The following SLC7A9 variants were observed in gnomAD, a reference collection of about 807,000 sequenced individuals.
The protein encoded by SLC7A9 is solute carrier family 7 member 9.
Under a neutral mutation model 54.1 loss-of-function variants are expected in SLC7A9, and 38 were observed. The observed-to-expected ratio is 0.70, with a 90% CI of 0.54 to 0.92. The LOEUF (loss-of-function observed/expected upper bound fraction) is 0.92, where lower values mean the gene tolerates loss of function less well. Among genes scored for constraint, SLC7A9 ranks in the 40% least tolerant of loss-of-function variants. The pLI is 0.00. For missense variants in SLC7A9, 537 were observed against 636.1 expected, an observed-to-expected ratio of 0.84 and a Z score of 1.68; for synonymous variants, 264 against 258.9, an observed-to-expected ratio of 1.02 and a Z score of -0.19.
At chr19:32,841,822 G>T (rs934168725) in intron 11 of SLC7A9, among the ~76,000 whole-genome samples, 1 of 152,172 alleles carries the variant, frequency 6.6e-6, no homozygotes, top group African/African-American at 2.4e-5. Context: ...CAGGAGAGTT[G>T]CCTGAACCGG....
chr19:32,864,447 G>C, intron 3 of SLC7A9, 109 bp from the exon 4 acceptor site: 3 of 1,552,562 alleles, frequency 1.9e-6, no homozygotes, highest in Non-Finnish European at 2.6e-6. Context: ...GCCCACCGTG[G>C]TCCGCCCTCG....
intron 2 of SLC7A9, among the ~76,000 whole-genome samples, chr19:32,866,683 C>A (rs1405623505): frequency 6.6e-6 from 1 of 152,210 alleles, no homozygotes; most frequent in African/African-American, 2.4e-5. Flanking sequence ...TGAGATCAGG[C>A]CTGAGACTGG....
At chr19:32,848,464 A>T (rs868406820) in intron 9 of SLC7A9, among the ~76,000 whole-genome samples, 1 of 152,230 alleles carries the variant, frequency 6.6e-6, no homozygotes, top group Non-Finnish European at 1.5e-5. Context: ...AAAGGGATCA[A>T]TTCAACAAGA....
intron 2 of SLC7A9, among the ~76,000 whole-genome samples, chr19:32,866,278 G>A (rs1050257836): frequency 2.0e-5 from 3 of 152,120 alleles, no homozygotes; most frequent in African/African-American, 7.2e-5. Context: ...GCGGGGATGG[G>A]CTCAGCTCTC....
chr19:32,868,433 CA>C lies in SLC7A9; in HGVS notation c.87+14del. On this transcript the variant is annotated intron_variant, in intron 2 of 12. Coordinates refer to ENST00000023064, the MANE Select transcript of SLC7A9 (RefSeq NM_014270.5). ...CTAACCTGCAAAGGGCCTGCCCCAC[CA>C]GAGACCGCCTTACCTCCTTTTGGAG... is the stretch of plus-strand genomic sequence containing the variant. 1 of 1,611,754 alleles carries C rather than the reference CA, an allele frequency of 6.2e-7. No individual in the cohort carries two copies. The highest frequency in any genetic ancestry group is 8.5e-7 in the Non-Finnish European group (1 of 1,177,936).
At chr19:32,830,716 G>A in intron 12 of SLC7A9, 32 bp from the exon 13 acceptor site, 1 of 1,578,590 alleles carries the variant, frequency 6.3e-7, no homozygotes, top group South Asian at 1.1e-5. Context: ...AGTACAGTTA[G>A]TTAGACTGAA....
chr19:32,856,673 G>A (rs767063028), intron 9 of SLC7A9, among the ~76,000 whole-genome samples: 25 of 152,076 alleles, frequency 1.6e-4, no homozygotes, highest in Non-Finnish European at 2.6e-4. Flanking sequence ...TGGTGTGATC[G>A]TGGCCCACTG....
chr19:32,866,568 G>A (rs1172564746), intron 2 of SLC7A9, among the ~76,000 whole-genome samples: 3 of 152,196 alleles, frequency 2.0e-5, no homozygotes, highest in Non-Finnish European at 4.4e-5. Flanking sequence ...AAGGTTACAG[G>A]CGTGTGCCGC....
chr19:32,840,375 C>G (rs903109866), intron 11 of SLC7A9, among the ~76,000 whole-genome samples: 2 of 152,128 alleles, frequency 1.3e-5, no homozygotes, highest in African/African-American at 4.8e-5. Flanking sequence ...GTTGCCCAAG[C>G]TGGTCTTGAA....
At chr19:32,842,504 GAAAA>G (rs1968155957) in intron 10 of SLC7A9, among the ~76,000 whole-genome samples, 187 bp from the exon 11 acceptor site, 1 of 152,194 alleles carries the variant, frequency 6.6e-6, no homozygotes, top group Non-Finnish European at 1.5e-5. Context: ...GAAGCTTGCA[GAAAA>G]GACCTGGGAA....
At chr19:32,845,832 A>AC (rs759838357) in intron 9 of SLC7A9, among the ~76,000 whole-genome samples, 5 of 151,946 alleles carry the variant, frequency 3.3e-5, no homozygotes, top group Non-Finnish European at 5.9e-5. Context: ...ACATAGTGAA[A>AC]CCCCCTCTCT....
chr19:32,834,813 CAG>C (rs775724422), intron 11 of SLC7A9, among the ~76,000 whole-genome samples: 10 of 152,044 alleles, frequency 6.6e-5, no homozygotes, highest in Non-Finnish European at 1.2e-4. Flanking sequence ...TTTCCCAAGA[CAG>C]AGTCTCGCTC....
intron 11 of SLC7A9, among the ~76,000 whole-genome samples, chr19:32,835,817 A>G (rs906452379): frequency 2.0e-5 from 3 of 152,010 alleles, no homozygotes; most frequent in African/African-American, 7.3e-5. Flanking sequence ...AGCTTCCTCA[A>G]AGCACTATTT....
intron 6 of SLC7A9, among the ~76,000 whole-genome samples, chr19:32,861,411 T>C (rs924206262): frequency 1.3e-5 from 2 of 152,188 alleles, no homozygotes; most frequent in African/African-American, 4.8e-5. Context: ...TATGGTATTA[T>C]TTATTTTTGT....
At position 32,859,922 on chromosome 19, in the gene SLC7A9, C is replaced by T. The variant is rs377214701; in HGVS notation, c.792G>A (p.Thr264=). The T allele has an allele frequency of 7.4e-6, 12 of 1,614,124 alleles. No homozygotes were observed. Among genetic ancestry groups the T allele is most frequent in the Admixed American group, 1.7e-5 (1 of 60,006 alleles). Reference sequence around the variant, plus strand: ...ACACGTTCATGAGGATGTAGCACGCCGTCACCAGGGGGATCCCGATGATAA... The same window carrying T: ...ACACGTTCATGAGGATGTAGCACGCTGTCACCAGGGGGATCCCGATGATAA... ...LAIIIGIPLV[T]ACYILMNVSY... The change falls in exon 8 of 13, where the codon ACG becomes ACA. Residue 264 remains threonine (T), a synonymous_variant. Coordinates refer to ENST00000023064, the MANE Select transcript of SLC7A9 (RefSeq NM_014270.5).
At chr19:32,867,604 C>T (rs1246592011) in intron 2 of SLC7A9, among the ~76,000 whole-genome samples, 2 of 151,974 alleles carry the variant, frequency 1.3e-5, no homozygotes, top group Admixed American at 6.6e-5. Context: ...AATACTGGCC[C>T]GTCTAGACAC....
At chr19:32,856,464 G>A (rs758333586) in intron 9 of SLC7A9, among the ~76,000 whole-genome samples, 20 of 152,178 alleles carry the variant, frequency 1.3e-4, no homozygotes, top group Non-Finnish European at 2.9e-4. Flanking sequence ...AAAGTGCTGG[G>A]ATTACAGGCG....
rs886054327 is a variant in SLC7A9, at chr19:32,830,543, A to G, written c.*77T>C. On this transcript the variant is annotated 3_prime_UTR_variant, in exon 13 of 13. Coordinates refer to ENST00000023064, the MANE Select transcript of SLC7A9 (RefSeq NM_014270.5). ...CATCTGAGTATATTTTATTCGTAAG[A>G]AAAAAAGGAAGAAATAACCACAAAT... 4 of 1,121,308 alleles carry G rather than the reference A, an allele frequency of 3.6e-6. No individual in the cohort carries two copies. The highest frequency in any genetic ancestry group is 2.6e-4 in the Middle Eastern group (1 of 3,920). 69.5% of individuals were successfully genotyped at this position (1,121,308 alleles called of 1,614,324 possible).
intron 2 of SLC7A9, among the ~76,000 whole-genome samples, chr19:32,866,008 C>T: frequency 6.6e-6 from 1 of 151,286 alleles, no homozygotes; most frequent in Non-Finnish European, 1.5e-5. Context: ...AATTACACAC[C>T]AATCAAGGAG....
Sources: gnomAD v4.1 joint callset for allele counts (sites outside exome capture counted in the v4.1 genomes callset) on GRCh38, gnomAD v4.1.1 for gene constraint, MANE v1.5 for transcripts, NCBI Gene and HGNC (gene_info 2026-07-23, HGNC 2026-07-21) for gene names.